The following ASPH variants were observed in gnomAD, a reference collection of about 807,000 sequenced individuals.
The protein encoded by ASPH is aspartate beta-hydroxylase, also known as aspartyl/asparaginyl beta-hydroxylase.
In ASPH, 100 loss-of-function variants were observed where a neutral mutation model predicts 118.4. The observed-to-expected ratio is 0.84, with a 90% CI of 0.72 to 1.00. The LOEUF (loss-of-function observed/expected upper bound fraction) is 1.00. Among genes scored for constraint, ASPH ranks in the 50% least tolerant of loss-of-function variants. ASPH has a pLI of 0.00. For missense variants in ASPH, 920 were observed against 919.5 expected (o/e 1.00, Z -0.01); for synonymous variants, 315 against 325.6 (o/e 0.97, Z 0.35).
intron 22 of ASPH, among the ~76,000 whole-genome samples, chr8:61,523,183 C>T (rs186095635): frequency 7.0e-4 from 106 of 152,250 alleles, no homozygotes; most frequent in Non-Finnish European, 1.3e-3. Flanking sequence ...CTCCCTATGA[C>T]GTCCGCCCCT....
intron 14 of ASPH, among the ~76,000 whole-genome samples, chr8:61,595,311 C>T (rs769605141): frequency 3.8e-4 from 58 of 152,088 alleles, no homozygotes; most frequent in Admixed American, 3.1e-3. Context: ...TGAGCAATAG[C>T]AGGATGATGA....
intron 21 of ASPH, among the ~76,000 whole-genome samples, chr8:61,535,848 G>T (rs909433073): frequency 6.6e-6 from 1 of 152,134 alleles, no homozygotes; most frequent in African/African-American, 2.4e-5. Context: ...TGGGTGCTGA[G>T]ACGAGGTTAT....
rs181912555 is a variant in ASPH at position 61,516,517 on chromosome 8, C to A, written c.2126+1011G>T. ...CCTGAACACTCATCCTCCACTCAGACCTCTACTAAGAACAATAAGAAATGT... is the reference window on the plus strand; with the variant it reads ...CCTGAACACTCATCCTCCACTCAGAACTCTACTAAGAACAATAAGAAATGT... On this transcript the variant is annotated intron_variant, in intron 24 of 24. Coordinates refer to ENST00000379454, the MANE Select transcript of ASPH (RefSeq NM_004318.4). Among the ~76,000 whole-genome samples the A allele has an allele frequency of 6.0e-4, 91 of 152,244 alleles. 2 individuals carry two copies. In the East Asian group the frequency reaches 0.016, roughly 27 times the overall value.
intron 21 of ASPH, among the ~76,000 whole-genome samples, chr8:61,535,907 G>T (rs1025176478): frequency 6.6e-6 from 1 of 152,004 alleles, no homozygotes; most frequent in Non-Finnish European, 1.5e-5. Context: ...AATTCTCTTT[G>T]CAATACTTCT....
chr8:61,694,224 G>A (rs977442536), intron 1 of ASPH, among the ~76,000 whole-genome samples: 8 of 152,022 alleles, frequency 5.3e-5, no homozygotes, highest in African/African-American at 1.9e-4. Context: ...CATCCATTCC[G>A]AGTTTCTCCT....
At chr8:61,580,810 C>G (rs1837281435) in intron 15 of ASPH, among the ~76,000 whole-genome samples, 1 of 152,172 alleles carries the variant, frequency 6.6e-6, no homozygotes, top group African/African-American at 2.4e-5. Context: ...GCATTTAAGG[C>G]CCAACTGGAT....
At chr8:61,563,980 T>G (rs1160246932) in intron 17 of ASPH, among the ~76,000 whole-genome samples, 1 of 152,156 alleles carries the variant, frequency 6.6e-6, no homozygotes, top group Non-Finnish European at 1.5e-5. Flanking sequence ...TCGAGTGAAC[T>G]TGCTTTATTC....
chr8:61,526,010 C>T lies in ASPH; in HGVS notation c.1867G>A (p.Gly623Arg), dbSNP rs1259422856. ...CACAGCGTGAACTGGCTCCAGTCCC[C>T]TTTTTCCCTCAGGTTTTCATCCTCA... is the stretch of plus-strand genomic sequence containing the variant. ...LPEDENLREK[G>R]DWSQFTLWQQ... Residue 623 changes from glycine (G) to arginine (R), a missense_variant, in exon 22 of 25, where the codon GGG becomes AGG. Gly to Arg is a moderately radical substitution (Grantham distance 125, BLOSUM62 -2). Coordinates refer to ENST00000379454, the MANE Select transcript of ASPH (RefSeq NM_004318.4). 1.2e-6 allele frequency: 2 copies of T among 1,613,894 alleles called. No homozygotes were observed. Among genetic ancestry groups the T allele is most frequent in the African/African-American group, 2.7e-5 (2 of 74,894 alleles).
intron 13 of ASPH, among the ~76,000 whole-genome samples, chr8:61,631,517 T>C (rs1855579886): frequency 6.6e-6 from 1 of 152,198 alleles, no homozygotes; most frequent in African/African-American, 2.4e-5. Flanking sequence ...AGGTTTGTAG[T>C]CTATAAGCAA....
chr8:61,628,221 G>A lies in ASPH; in HGVS notation c.934+5462C>T, dbSNP rs1321610585. ...GTCACACAGGCTAGAGTGCAGTGGT[G>A]CGATCATAGCCTACTGCAGCTTTGA... On this transcript the variant is annotated intron_variant, in intron 13 of 24. Transcript: ENST00000379454. The A allele has an allele frequency of 1.2e-5, 3 of 247,158 alleles. No homozygotes were observed. In the Admixed American group the frequency reaches 1.6e-4, roughly 13 times the overall value. 15.3% of individuals were successfully genotyped at this position (247,158 alleles called of 1,614,324 possible). A position where few individuals can be genotyped will look rare whatever the true frequency, so the allele number is the denominator to read the frequency against.
At chr8:61,603,030 T>C (rs907839120) in intron 14 of ASPH, among the ~76,000 whole-genome samples, 23 of 151,348 alleles carry the variant, frequency 1.5e-4, no homozygotes, top group African/African-American at 4.4e-4. Flanking sequence ...CCATTTCTAC[T>C]AAAAATGCAA....
intron 18 of ASPH, among the ~76,000 whole-genome samples, chr8:61,560,294 A>G (rs2131409399): frequency 6.6e-6 from 1 of 152,370 alleles, no homozygotes; most frequent in African/African-American, 2.4e-5. Context: ...AGGGGCCGCA[A>G]AAAGCCACAG....
At chr8:61,664,686 G>A (rs895684791) in intron 3 of ASPH, 2 of 986,038 alleles carry the variant, frequency 2.0e-6, no homozygotes, top group African/African-American at 3.5e-5. Context: ...GGGAAAAGGG[G>A]AAGGAGAACC....
intron 24 of ASPH, among the ~76,000 whole-genome samples, chr8:61,507,100 C>G (rs1806899209): frequency 6.6e-6 from 1 of 152,158 alleles, no homozygotes; most frequent in Non-Finnish European, 1.5e-5. Context: ...GAATTGTTTT[C>G]TGGGAAAAAG....
At chr8:61,579,222 A>C (rs1836514797) in intron 15 of ASPH, 3 of 1,613,710 alleles carry the variant, frequency 1.9e-6, no homozygotes, top group Non-Finnish European at 2.5e-6. Flanking sequence ...GGAGGCCGCC[A>C]TTGCAGATGC....
rs373697177 is a variant in ASPH, at chr8:61,593,981, T to C, written c.977-9952A>G. On this transcript the variant is annotated intron_variant, in intron 14 of 24. Coordinates refer to ENST00000379454, the MANE Select transcript of ASPH (RefSeq NM_004318.4). ...CAAACTAACAAGATGGAGTGAGGGT[T>C]GTTTGAAGCAGGTATATACTCAGCA... is the stretch of plus-strand genomic sequence containing the variant. Among the ~76,000 whole-genome samples the C allele has an allele frequency of 2.4e-4, 37 of 152,338 alleles. No individual in the cohort carries two copies. In the East Asian group the frequency reaches 6.7e-3, roughly 28 times the overall value.
intron 22 of ASPH, among the ~76,000 whole-genome samples, chr8:61,520,289 G>A (rs1378967433): frequency 1.1e-4 from 16 of 152,248 alleles, no homozygotes; most frequent in Non-Finnish European, 1.6e-4. Flanking sequence ...CTGCTCTAAC[G>A]GGGGAGTAAA....
intron 3 of ASPH, chr8:61,661,028 A>G (rs187376323): frequency 4.8e-4 from 73 of 152,272 alleles, no homozygotes; most frequent in Middle Eastern, 3.4e-3. Flanking sequence ...CTTTTTTTCT[A>G]GCCTTCATAT....
At chr8:61,618,062 C>T (rs992037771) in intron 14 of ASPH, among the ~76,000 whole-genome samples, 11 of 151,382 alleles carry the variant, frequency 7.3e-5, no homozygotes, top group South Asian at 2.1e-4. Flanking sequence ...ACTTTTTAAA[C>T]TATATCCTTG....
Sources: allele counts gnomAD v4.1 joint callset (sites outside exome capture counted in the v4.1 genomes callset), GRCh38; gene constraint gnomAD v4.1.1; transcripts MANE v1.5; gene names NCBI Gene and HGNC (gene_info 2026-07-23, HGNC 2026-07-21).